The following KCNQ3 variants were observed in gnomAD, a reference collection of about 807,000 sequenced individuals.
KCNQ3 encodes potassium voltage-gated channel subfamily KQT member 3.
A neutral mutation model predicts 92.5 loss-of-function variants in KCNQ3; 30 were observed. The ratio of observed to expected loss-of-function variants is 0.32; its 90% CI spans 0.24 to 0.44. The LOEUF is 0.44. KCNQ3 is among the 20% of genes least tolerant of loss of function. KCNQ3 has a pLI of 1.00. For missense variants in KCNQ3, 913 were observed against 1,140.3 expected (o/e 0.80, Z 2.87); for synonymous variants, 450 against 468.8 (o/e 0.96, Z 0.52).
At chr8:132,312,794 G>C (rs531580906) in intron 1 of KCNQ3, among the ~76,000 whole-genome samples, 2 of 152,246 alleles carry the variant, frequency 1.3e-5, no homozygotes, top group South Asian at 4.1e-4. Flanking sequence ...TTCCCCTTCT[G>C]CCATGATTGT....
Position 132,124,526 on chromosome 8 carries a change from C to A in KCNQ3, c.*4736G>T, listed in dbSNP as rs114070302. On this transcript the variant is annotated 3_prime_UTR_variant, in exon 15 of 15. Coordinates refer to ENST00000388996, the MANE Select transcript of KCNQ3 (RefSeq NM_004519.4). Reference sequence around the variant, plus strand: ...ATCTCTGTATGATTCCTCTTTTACACTGCCATTACTGGCTTCTAAAACCAC... The same window carrying A: ...ATCTCTGTATGATTCCTCTTTTACAATGCCATTACTGGCTTCTAAAACCAC... 6.6e-6 allele frequency: 1 copy of A among 151,548 alleles called. No homozygotes were observed. The highest frequency in any genetic ancestry group is 2.1e-4 in the South Asian group (1 of 4,786). 9.4% of individuals were successfully genotyped at this position (151,548 alleles called of 1,614,324 possible).
chr8:132,179,293 G>A (rs2130151908), intron 4 of KCNQ3, among the ~76,000 whole-genome samples: 1 of 152,016 alleles, frequency 6.6e-6, no homozygotes, highest in Non-Finnish European at 1.5e-5. Context: ...GTGGGACTCT[G>A]GAAAAGGAAT....
chr8:132,385,963 G>C (rs780188537), intron 1 of KCNQ3, among the ~76,000 whole-genome samples: 1 of 151,810 alleles, frequency 6.6e-6, no homozygotes, highest in Admixed American at 6.6e-5. Context: ...TAACAATTTT[G>C]TATCTACTAG....
intron 1 of KCNQ3, among the ~76,000 whole-genome samples, chr8:132,427,234 C>T (rs1821135514): frequency 1.3e-5 from 2 of 152,178 alleles, no homozygotes; most frequent in African/African-American, 2.4e-5. Flanking sequence ...GCCCTTCTGC[C>T]TCTATGGGAG....
chr8:132,137,302 T>G (rs1470129607), intron 12 of KCNQ3, among the ~76,000 whole-genome samples: 1 of 152,198 alleles, frequency 6.6e-6, no homozygotes, highest in Non-Finnish European at 1.5e-5. Context: ...GATTCCCAGC[T>G]CTGCTCCCTG....
chr8:132,220,546 C>T (rs1389849272), intron 1 of KCNQ3, among the ~76,000 whole-genome samples: 4 of 152,168 alleles, frequency 2.6e-5, no homozygotes, highest in East Asian at 1.9e-4. Flanking sequence ...ATCAGGAGTT[C>T]GAGGCCAGCC....
At chr8:132,170,115 C>A (rs1371257530) in intron 8 of KCNQ3, among the ~76,000 whole-genome samples, 3 of 152,076 alleles carry the variant, frequency 2.0e-5, no homozygotes, top group African/African-American at 7.2e-5. Flanking sequence ...TCAGGTGATC[C>A]ACCCGCCTCG....
At chr8:132,216,292 C>A (rs1009691889) in intron 1 of KCNQ3, among the ~76,000 whole-genome samples, 1 of 152,178 alleles carries the variant, frequency 6.6e-6, no homozygotes, top group Admixed American at 6.5e-5. Context: ...GTGCTACATG[C>A]GCAAGTGTTT....
intron 1 of KCNQ3, among the ~76,000 whole-genome samples, chr8:132,410,900 T>C (rs1820634528): frequency 1.3e-5 from 2 of 152,226 alleles, no homozygotes; most frequent in South Asian, 4.1e-4. Flanking sequence ...ACCTGTCCCC[T>C]GAGGCCAGAC....
At chr8:132,415,332 A>T (rs1820765975) in intron 1 of KCNQ3, among the ~76,000 whole-genome samples, 1 of 152,212 alleles carries the variant, frequency 6.6e-6, no homozygotes, top group African/African-American at 2.4e-5. Context: ...ACACCAGAGG[A>T]GTGTCACCAC....
intron 1 of KCNQ3, among the ~76,000 whole-genome samples, chr8:132,422,558 T>G (rs1305539034): frequency 6.6e-6 from 1 of 152,180 alleles, no homozygotes; most frequent in East Asian, 1.9e-4. Flanking sequence ...ACACGCAAGC[T>G]TTCCTACCTC....
At chr8:132,269,439 G>A (rs967447202) in intron 1 of KCNQ3, among the ~76,000 whole-genome samples, 2 of 152,150 alleles carry the variant, frequency 1.3e-5, no homozygotes, top group African/African-American at 4.8e-5. Flanking sequence ...CTGGATCTCT[G>A]GTTGTTTCAG....
chr8:132,154,738 G>A (rs967755114), intron 9 of KCNQ3, among the ~76,000 whole-genome samples: 1 of 152,232 alleles, frequency 6.6e-6, no homozygotes, highest in Admixed American at 6.5e-5. Context: ...ACCTGTTAAC[G>A]GGAACCCCTC....
chr8:132,367,444 G>A (rs1819353015), intron 1 of KCNQ3, among the ~76,000 whole-genome samples: 1 of 152,174 alleles, frequency 6.6e-6, no homozygotes, highest in East Asian at 1.9e-4. Flanking sequence ...AAACCTGAGG[G>A]CAAGATCTGG....
At chr8:132,400,092 A>G (rs1457306770) in intron 1 of KCNQ3, among the ~76,000 whole-genome samples, 1 of 152,188 alleles carries the variant, frequency 6.6e-6, no homozygotes, top group African/African-American at 2.4e-5. Flanking sequence ...CTGAGCAGTG[A>G]GCTGGAATTG....
chr8:132,442,207 C>T (rs1441285354), intron 1 of KCNQ3, among the ~76,000 whole-genome samples: 5 of 152,104 alleles, frequency 3.3e-5, no homozygotes, highest in African/African-American at 4.8e-5. Flanking sequence ...CAAACTTGTG[C>T]TTGTACCCCT....
At chr8:132,318,630 G>T (rs1235671302) in intron 1 of KCNQ3, among the ~76,000 whole-genome samples, 1 of 152,196 alleles carries the variant, frequency 6.6e-6, no homozygotes, top group Non-Finnish European at 1.5e-5. Context: ...ATGCTGGGAG[G>T]TGCCTCATTT....
intron 8 of KCNQ3, 95 bp downstream of exon 8, chr8:132,170,239 T>C: frequency 1.2e-6 from 1 of 867,232 alleles, no homozygotes; most frequent in East Asian, 2.4e-5. Context: ...CCCTGAAGAG[T>C]GTTCTCCAGG....
intron 1 of KCNQ3, among the ~76,000 whole-genome samples, chr8:132,229,319 G>A (rs916723821): frequency 1.3e-5 from 2 of 151,986 alleles, no homozygotes; most frequent in African/African-American, 2.4e-5. Context: ...GGTGGTACCA[G>A]TGCAGTTTTT....
Sources: allele counts gnomAD v4.1 joint callset (sites outside exome capture counted in the v4.1 genomes callset), GRCh38; gene constraint gnomAD v4.1.1; transcripts MANE v1.5; gene names NCBI Gene and HGNC (gene_info 2026-07-23, HGNC 2026-07-21).